SLC4A5: variants seen among roughly 807,000 people sequenced by gnomAD.
SLC4A5 encodes the protein electrogenic sodium bicarbonate cotransporter 4.
A neutral mutation model predicts 120.4 loss-of-function variants in SLC4A5; 96 were observed. That is an observed-to-expected ratio of 0.80 (90% CI 0.68 to 0.94). SLC4A5 has a LOEUF of 0.94. Among genes scored for constraint, SLC4A5 ranks in the 40% least tolerant of loss-of-function variants. The pLI is 0.00. For missense variants in SLC4A5, 1,259 were observed against 1,459.5 expected, an observed-to-expected ratio of 0.86 and a Z score of 2.24; for synonymous variants, 550 against 571.1, an observed-to-expected ratio of 0.96 and a Z score of 0.53.
intron 30 of SLC4A5, 29 bp downstream of exon 30, chr2:74,221,405 A>T: frequency 6.5e-7 from 1 of 1,530,610 alleles, no homozygotes; most frequent in Non-Finnish European, 9.1e-7. Context: ...CTTACCTAAT[A>T]CGCAAGGAGT....
intron 5 of SLC4A5, among the ~76,000 whole-genome samples, chr2:74,316,578 A>C (rs1421491905): frequency 6.6e-6 from 1 of 152,212 alleles, no homozygotes; most frequent in East Asian, 1.9e-4. Context: ...TATGGCAATA[A>C]GGTACCAAAC....
At chr2:74,324,067 C>T (rs573123174) in intron 5 of SLC4A5, among the ~76,000 whole-genome samples, 2 of 152,132 alleles carry the variant, frequency 1.3e-5, no homozygotes, top group South Asian at 2.1e-4. Flanking sequence ...TTATTTTAAA[C>T]GTTTTAAAGT....
chr2:74,286,408 C>A (rs2104173993), intron 7 of SLC4A5, among the ~76,000 whole-genome samples: 1 of 152,358 alleles, frequency 6.6e-6, no homozygotes, highest in Middle Eastern at 3.4e-3. Flanking sequence ...GAGGCCCCAG[C>A]CTGCTTTCCA....
At position 74,318,686 on chromosome 2, in the gene SLC4A5, A is replaced by C. The variant is rs1432313501; in HGVS notation, c.-2-3661T>G. Among the ~76,000 whole-genome samples, 13 of 148,662 alleles carry C rather than the reference A, an allele frequency of 8.7e-5. No homozygotes were observed. In the East Asian group the frequency reaches 1.2e-3, roughly 13 times the overall value. On this transcript the variant is annotated intron_variant, in intron 5 of 30. Transcript: ENST00000394019. Reference sequence around the variant, plus strand: ...CGACAGAGTGAGACTCTGTCTCACAAAAAAAAAAAAAAGTGTCCAAAAATA... The same window carrying C: ...CGACAGAGTGAGACTCTGTCTCACACAAAAAAAAAAAAGTGTCCAAAAATA...
At chr2:74,229,441 G>A (rs1311033187) in intron 25 of SLC4A5, among the ~76,000 whole-genome samples, 2 of 151,480 alleles carry the variant, frequency 1.3e-5, no homozygotes, top group African/African-American at 4.9e-5. Flanking sequence ...TAGACACAGG[G>A]TTTCGGGTTT....
At chr2:74,234,151 G>T (rs577306890) in intron 22 of SLC4A5, among the ~76,000 whole-genome samples, 1 of 151,748 alleles carries the variant, frequency 6.6e-6, no homozygotes, top group Non-Finnish European at 1.5e-5. Flanking sequence ...GAGATCGTTG[G>T]TGCTCTTTTT....
intron 10 of SLC4A5, 131 bp from the exon 11 acceptor site, chr2:74,262,363 C>CAT: frequency 3.0e-6 from 1 of 336,576 alleles, no homozygotes; most frequent in Non-Finnish European, 5.4e-6. Flanking sequence ...GGAAGAAATT[C>CAT]TTTTTTTTTT....
At chr2:74,323,604 T>C (rs966585195) in intron 5 of SLC4A5, among the ~76,000 whole-genome samples, 3 of 152,118 alleles carry the variant, frequency 2.0e-5, no homozygotes, top group Non-Finnish European at 4.4e-5. Flanking sequence ...TGTAAAAGAT[T>C]TGATACACTC....
intron 9 of SLC4A5, 38 bp downstream of exon 9, chr2:74,265,066 G>T: frequency 6.3e-7 from 1 of 1,587,958 alleles, no homozygotes; most frequent in South Asian, 1.1e-5. Context: ...GGTTTGCAGG[G>T]ACCACAGGAG....
At chr2:74,262,113 C>G in intron 11 of SLC4A5, 24 bp downstream of exon 11, 1 of 1,605,486 alleles carries the variant, frequency 6.2e-7, no homozygotes, top group South Asian at 1.1e-5. Context: ...AAAGCTGCCA[C>G]AGAGCGGCAG....
intron 6 of SLC4A5, among the ~76,000 whole-genome samples, chr2:74,310,786 T>C (rs1318275232): frequency 2.0e-5 from 3 of 152,158 alleles, no homozygotes. Context: ...CTTTATCTCA[T>C]TTTGTATTGG....
At chr2:74,315,229 C>T (rs1573095956) in intron 5 of SLC4A5, among the ~76,000 whole-genome samples, 1 of 152,134 alleles carries the variant, frequency 6.6e-6, no homozygotes, top group East Asian at 1.9e-4. Flanking sequence ...CACCTGAGGT[C>T]AGGAGTTCGA....
At position 74,282,303 on chromosome 2, in the gene SLC4A5, G is replaced by A. The variant is rs1671838163; in HGVS notation, c.401+3470C>T. On this transcript the variant is annotated intron_variant, in intron 8 of 30. Transcript: ENST00000394019. ...TAGAAAAGGGTGGAGCAGAAGTCGA[G>A]AAAGCTACTCTCTTCCCACATTTTC... Among the ~76,000 whole-genome samples the A allele has an allele frequency of 2.0e-5, 3 of 152,372 alleles. 1 individual carries two copies. The highest frequency in any genetic ancestry group is 4.1e-4 in the South Asian group (2 of 4,832).
At chr2:74,228,245 G>A (rs955702557) in intron 25 of SLC4A5, among the ~76,000 whole-genome samples, 3 of 152,166 alleles carry the variant, frequency 2.0e-5, no homozygotes, top group African/African-American at 7.2e-5. Context: ...TCAGCTGAGG[G>A]TCCCCTAAAA....
chr2:74,264,343 G>C (rs1211487749), intron 9 of SLC4A5, 44 bp from the exon 10 acceptor site: 1 of 1,578,860 alleles, frequency 6.3e-7, no homozygotes, highest in Non-Finnish European at 8.6e-7. Flanking sequence ...GGACAGAACA[G>C]CTCCAGGGTA....
intron 27 of SLC4A5, among the ~76,000 whole-genome samples, chr2:74,225,574 C>T (rs771371896): frequency 2.1e-4 from 32 of 152,036 alleles, no homozygotes; most frequent in Non-Finnish European, 3.2e-4. Flanking sequence ...CCATCCTGGG[C>T]GACAGAGCAA....
intron 6 of SLC4A5, among the ~76,000 whole-genome samples, chr2:74,309,951 C>G (rs187640377): frequency 6.6e-6 from 1 of 152,098 alleles, no homozygotes; most frequent in East Asian, 1.9e-4. Flanking sequence ...CATGAGCCAC[C>G]GTGCCTGGCC....
At chr2:74,253,853 C>T (rs753459748) in intron 14 of SLC4A5, among the ~76,000 whole-genome samples, 3 of 152,076 alleles carry the variant, frequency 2.0e-5, no homozygotes, top group East Asian at 1.9e-4. Context: ...TAGCATCACT[C>T]GTAGGAATGC....
chr2:74,232,054 A>T (rs1364803783), intron 24 of SLC4A5, among the ~76,000 whole-genome samples: 1 of 152,114 alleles, frequency 6.6e-6, no homozygotes, highest in African/African-American at 2.4e-5. Flanking sequence ...AGCGGGGGTG[A>T]TCCCAGGACA....
Sources: allele counts gnomAD v4.1 joint callset (sites outside exome capture counted in the v4.1 genomes callset), GRCh38; gene constraint gnomAD v4.1.1; transcripts MANE v1.5; gene names NCBI Gene and HGNC (gene_info 2026-07-23, HGNC 2026-07-21).